Variants in ATP8A2 observed in about 807,000 individuals in gnomAD.
The protein encoded by ATP8A2 is phospholipid-transporting ATPase IB.
Under a neutral mutation model 165.6 loss-of-function variants are expected in ATP8A2, and 100 were observed. The ratio of observed to expected loss-of-function variants is 0.60; its 90% CI spans 0.51 to 0.71. The LOEUF is 0.71. Ranked by LOEUF, ATP8A2 falls within the 30% of genes least tolerant of loss-of-function variation. The probability of loss-of-function intolerance (pLI) is 0.00; values close to 1 mark genes in which losing one functional copy is unlikely to be tolerated. For missense variants in ATP8A2, 1,227 were observed against 1,479.5 expected, an observed-to-expected ratio of 0.83 and a Z score of 2.80; for synonymous variants, 543 against 548.8, an observed-to-expected ratio of 0.99 and a Z score of 0.15.
intron 27 of ATP8A2, among the ~76,000 whole-genome samples, chr13:25,813,486 T>A (rs1210604232): frequency 7.8e-6 from 1 of 127,916 alleles, no homozygotes; most frequent in South Asian, 2.4e-4. Context: ...GATCTGATGA[T>A]ATGATATATG....
At chr13:25,801,311 G>T (rs1224041250) in intron 27 of ATP8A2, among the ~76,000 whole-genome samples, 1 of 152,298 alleles carries the variant, frequency 6.6e-6, no homozygotes, top group Middle Eastern at 3.4e-3. Context: ...GTCTTGGAAT[G>T]AGTTAGTGCT....
intron 10 of ATP8A2, among the ~76,000 whole-genome samples, 157 bp downstream of exon 10, chr13:25,543,559 T>G (rs77057091): frequency 6.6e-6 from 1 of 152,326 alleles, no homozygotes; most frequent in East Asian, 1.9e-4. Context: ...AGGTAGCTTT[T>G]TCTAGATTTC....
At chr13:25,755,817 GA>G (rs2044249072) in intron 25 of ATP8A2, among the ~76,000 whole-genome samples, 1 of 152,090 alleles carries the variant, frequency 6.6e-6, no homozygotes, top group Non-Finnish European at 1.5e-5. Context: ...TGATGTAGGA[GA>G]ATCGATTGAA....
intron 25 of ATP8A2, among the ~76,000 whole-genome samples, chr13:25,719,508 A>T (rs796371945): frequency 3.3e-5 from 5 of 152,076 alleles, no homozygotes; most frequent in African/African-American, 1.2e-4. Flanking sequence ...ATGGAGATAG[A>T]TAAGATAGAT....
chr13:25,476,957 G>A (rs544660479), intron 2 of ATP8A2, among the ~76,000 whole-genome samples: 2 of 152,306 alleles, frequency 1.3e-5, no homozygotes, highest in Admixed American at 6.5e-5. Flanking sequence ...TCCTGCAGAC[G>A]AAAATATTGG....
chr13:25,581,500 A>G, intron 22 of ATP8A2, among the ~76,000 whole-genome samples: 1 of 152,172 alleles, frequency 6.6e-6, no homozygotes, highest in East Asian at 1.9e-4. Context: ...GTGGACTGAG[A>G]GGAAGGGCTC....
chr13:25,874,285 GC>G (rs1265767953), intron 33 of ATP8A2, among the ~76,000 whole-genome samples: 2 of 152,156 alleles, frequency 1.3e-5, no homozygotes, highest in African/African-American at 2.4e-5. Flanking sequence ...GGGCGTTTGT[GC>G]CTGCTCCTCT....
intron 25 of ATP8A2, among the ~76,000 whole-genome samples, chr13:25,767,635 TA>T (rs2044518299): frequency 6.6e-6 from 1 of 152,182 alleles, no homozygotes; most frequent in East Asian, 1.9e-4. Context: ...AAAGTAATAA[TA>T]ATTTGCAGTG....
At chr13:25,387,140 C>G (rs2033084388) in intron 1 of ATP8A2, among the ~76,000 whole-genome samples, 1 of 152,150 alleles carries the variant, frequency 6.6e-6, no homozygotes, top group Non-Finnish European at 1.5e-5. Context: ...CAGTGAATAA[C>G]CGGAGAAACA....
chr13:26,012,538 G>C lies in ATP8A2; in HGVS notation c.3385G>C (p.Glu1129Gln). 1 of 1,540,124 alleles carries C rather than the reference G, an allele frequency of 6.5e-7. No homozygotes were observed. Among genetic ancestry groups the C allele is most frequent in the Non-Finnish European group, 8.8e-7 (1 of 1,142,054 alleles). ...CGCTTGCTTTATCCGCAGGCTGAACGAGCGCGACCGCCTGATCAAGAGGCT... is the reference window on the plus strand; with the variant it reads ...CGCTTGCTTTATCCGCAGGCTGAACCAGCGCGACCGCCTGATCAAGAGGCT... ...LRDSNGKRLNERDRLIKRLGR... is the reference protein window; with the variant it reads ...LRDSNGKRLNQRDRLIKRLGR... Residue 1129 changes from glutamate to glutamine, a missense_variant, in exon 36 of 37, where the codon GAG becomes CAG. Glu to Gln is a conservative substitution (Grantham distance 29). This residue lies in a region of ATP8A2 where 260 missense variants were observed against 245.1 expected (regional missense o/e 1.06). Coordinates refer to ENST00000381655, the MANE Select transcript of ATP8A2 (RefSeq NM_016529.6).
chr13:25,806,321 A>T (rs1009098893), intron 27 of ATP8A2, among the ~76,000 whole-genome samples: 3 of 152,062 alleles, frequency 2.0e-5, no homozygotes, highest in Middle Eastern at 3.2e-3. Context: ...CTTTAGCATG[A>T]TCTGTGGGTG....
chr13:25,459,105 C>G (rs2035438636), intron 1 of ATP8A2, among the ~76,000 whole-genome samples: 1 of 152,186 alleles, frequency 6.6e-6, no homozygotes, highest in Non-Finnish European at 1.5e-5. Flanking sequence ...CCAACTATTC[C>G]CCATGCCCCC....
At chr13:25,914,619 C>G (rs532882401) in intron 33 of ATP8A2, among the ~76,000 whole-genome samples, 3 of 152,280 alleles carry the variant, frequency 2.0e-5, no homozygotes, top group African/African-American at 7.2e-5. Context: ...ACTGGTGTGG[C>G]CCTGTCATCT....
rs113275494 is a variant in ATP8A2 at position 25,602,419 on chromosome 13, A to G, written c.2211+12720A>G. Reference sequence around the variant, plus strand: ...GGGAGGGAACCATGGGGCTGTCTGGACAGGAGATGGCACCTCCCACTTTGC... The same window carrying G: ...GGGAGGGAACCATGGGGCTGTCTGGGCAGGAGATGGCACCTCCCACTTTGC... On this transcript the variant is annotated intron_variant, in intron 24 of 36. Transcript: ENST00000381655. Among the ~76,000 whole-genome samples the G allele has an allele frequency of 1.2e-3, 179 of 152,268 alleles. 3 individuals are homozygous for G. The highest frequency in any genetic ancestry group is 4.0e-3 in the African/African-American group (166 of 41,566).
intron 24 of ATP8A2, among the ~76,000 whole-genome samples, chr13:25,681,006 A>C (rs866413251): frequency 6.6e-6 from 1 of 152,236 alleles, no homozygotes; most frequent in Non-Finnish European, 1.5e-5. Flanking sequence ...AATACAACTC[A>C]GTATATTTTT....
chr13:25,690,129 G>GTT (rs11433711), intron 24 of ATP8A2, among the ~76,000 whole-genome samples: 146 of 146,852 alleles, frequency 9.9e-4, no homozygotes, highest in South Asian at 2.4e-3. Flanking sequence ...TATTTTCAGA[G>GTT]TTTTTTTTTT....
intron 25 of ATP8A2, among the ~76,000 whole-genome samples, chr13:25,719,827 G>A (rs1209083759): frequency 6.6e-6 from 1 of 152,214 alleles, no homozygotes; most frequent in South Asian, 2.1e-4. Context: ...TGGCAGGCGA[G>A]CTGTGCCCAG....
At chr13:25,724,423 C>G (rs1026258425) in intron 25 of ATP8A2, among the ~76,000 whole-genome samples, 3 of 152,140 alleles carry the variant, frequency 2.0e-5, no homozygotes, top group African/African-American at 7.2e-5. Flanking sequence ...GAAGCCTGGA[C>G]AACATTTCCC....
chr13:25,730,352 A>C (rs902565858), intron 25 of ATP8A2, among the ~76,000 whole-genome samples: 2 of 152,196 alleles, frequency 1.3e-5, no homozygotes, highest in Admixed American at 6.5e-5. Flanking sequence ...GTATGTCTTC[A>C]ACTCTATCAA....
Sources: allele counts gnomAD v4.1 joint callset (sites outside exome capture counted in the v4.1 genomes callset), GRCh38; gene constraint gnomAD v4.1.1; regional missense constraint gnomAD v4.1.1; transcripts MANE v1.5; gene names NCBI Gene and HGNC (gene_info 2026-07-23, HGNC 2026-07-21).